The following ERCC6L2 variants were observed in gnomAD, a reference collection of about 807,000 sequenced individuals.
ERCC6L2 encodes ERCC excision repair 6 like 2.
In ERCC6L2, 77 loss-of-function variants were observed where a neutral mutation model predicts 132.0. That is an observed-to-expected ratio of 0.58 (90% CI 0.49 to 0.71). The LOEUF is 0.71. Ranked by LOEUF, ERCC6L2 falls within the 30% of genes least tolerant of loss-of-function variation. ERCC6L2 has a pLI of 0.00. For missense variants in ERCC6L2, 1,542 were observed against 1,837.6 expected (o/e 0.84, Z 2.94); for synonymous variants, 583 against 632.4 (o/e 0.92, Z 1.17).
rs1454588925 is a variant in ERCC6L2, at chr9:96,014,799, G to A, written c.*1596G>A. 6.6e-6 allele frequency among the ~76,000 whole-genome samples: 1 copy of A among 152,048 alleles called. No homozygotes were observed. Among genetic ancestry groups the A allele is most frequent in the Non-Finnish European group, 1.5e-5 (1 of 68,016 alleles). The stretch of plus-strand genomic sequence containing the variant: ...CCAGATGGTATGTTTTGCCATTGAG[G>A]GGCCTTCTACACAATGAGTGCATGA... On this transcript the variant is annotated 3_prime_UTR_variant, in exon 19 of 19. Coordinates refer to ENST00000653738, the MANE Select transcript of ERCC6L2 (RefSeq NM_020207.7).
chr9:95,896,323 G>C (rs1034413226), intron 2 of ERCC6L2, among the ~76,000 whole-genome samples: 1 of 150,600 alleles, frequency 6.6e-6, no homozygotes. Context: ...AAAATATTCT[G>C]TTGTATAGTA....
chr9:95,958,080 A>G (rs1439112248), intron 13 of ERCC6L2, among the ~76,000 whole-genome samples: 1 of 125,464 alleles, frequency 8.0e-6, no homozygotes, highest in Non-Finnish European at 1.6e-5. Flanking sequence ...TCCTGTGTCC[A>G]TGTGTTCTCA....
intron 11 of ERCC6L2, among the ~76,000 whole-genome samples, chr9:95,931,135 A>C (rs1415122649): frequency 6.6e-6 from 1 of 152,144 alleles, no homozygotes; most frequent in Non-Finnish European, 1.5e-5. Context: ...ACCTCATATG[A>C]CTTCTCTTTC....
intron 2 of ERCC6L2, among the ~76,000 whole-genome samples, chr9:95,894,271 G>A (rs535800305): frequency 6.6e-6 from 1 of 152,224 alleles, no homozygotes; most frequent in East Asian, 1.9e-4. Context: ...TTATACCATT[G>A]TAAATTGAAA....
rs1164408227 is a variant in ERCC6L2, at chr9:95,880,924, T to C, written c.102T>C (p.Leu34=). 2.5e-6 allele frequency: 4 copies of C among 1,613,692 alleles called. No individual in the cohort carries two copies. Among genetic ancestry groups the C allele is most frequent in the Non-Finnish European group, 3.4e-6 (4 of 1,179,878 alleles). ...CCCCTTCTCCAGATAATGGAAAACTTTGTGAAGCAAGCATAAAATCTATCA... is the reference window on the plus strand; with the variant it reads ...CCCCTTCTCCAGATAATGGAAAACTCTGTGAAGCAAGCATAAAATCTATCA... The part of the protein sequence containing the change: ...CLAPSPDNGK[L]CEASIKSITV... Residue 34 remains leucine (L), a synonymous_variant, in exon 2 of 19, where the codon CTT becomes CTC. Transcript: ENST00000653738.
chr9:95,898,039 A>T, intron 3 of ERCC6L2, 68 bp downstream of exon 3: 2 of 1,331,746 alleles, frequency 1.5e-6, no homozygotes, highest in Non-Finnish European at 2.1e-6. Flanking sequence ...AGAAATATTT[A>T]AATATCACAC....
chr9:96,008,100 G>A (rs1208295625), intron 18 of ERCC6L2, among the ~76,000 whole-genome samples: 1 of 152,140 alleles, frequency 6.6e-6, no homozygotes, highest in Admixed American at 6.5e-5. Context: ...TTTGCAGAGT[G>A]TGCCTTTTCA....
At position 95,972,851 on chromosome 9, in the gene ERCC6L2, A is replaced by T. The variant is rs1248570433; in HGVS notation, c.3100A>T (p.Asn1034Tyr). The change falls in exon 16 of 19, where the codon AAC (asparagine) becomes TAC (tyrosine). Residue 1034 changes from asparagine to tyrosine, a missense_variant. By Grantham distance (143) the Asn-to-Tyr change is moderately radical. Coordinates refer to ENST00000653738, the MANE Select transcript of ERCC6L2 (RefSeq NM_020207.7). ...NQVYAANEDH[N>Y]SQFIDDYSSS... ...AGTGTATGCAGCAAATGAGGATCAT[A>T]ACTCTCAGTTTATTGATGATTATTC... 2 of 1,305,222 alleles carry T rather than the reference A, an allele frequency of 1.5e-6. No homozygotes were observed. The highest frequency in any genetic ancestry group is 1.1e-4 in the East Asian group (2 of 18,030). The allele number at this position is 1,305,222 out of a possible 1,614,324, so 80.9% of individuals were successfully genotyped here.
At chr9:95,945,316 T>A (rs1324060644) in intron 12 of ERCC6L2, among the ~76,000 whole-genome samples, 1 of 152,230 alleles carries the variant, frequency 6.6e-6, no homozygotes, top group Non-Finnish European at 1.5e-5. Flanking sequence ...AGTCAGAGTT[T>A]AAGGTTATCT....
intron 1 of ERCC6L2, 59 bp downstream of exon 1, chr9:95,876,143 A>C (rs1827252858): frequency 1.3e-6 from 2 of 1,489,778 alleles, no homozygotes; most frequent in Non-Finnish European, 1.8e-6. Context: ...GCGTTGGACC[A>C]GTTCTTGCCG....
intron 17 of ERCC6L2, among the ~76,000 whole-genome samples, chr9:95,995,080 A>G (rs1011304280): frequency 6.6e-6 from 1 of 152,204 alleles, no homozygotes; most frequent in Non-Finnish European, 1.5e-5. Context: ...AAAACTGCTA[A>G]TTTAATCATG....
In ERCC6L2 at chr9:95,881,052, A is replaced by G; in HGVS notation, c.230A>G (p.Asp77Gly). The G allele has an allele frequency of 5.6e-6, 9 of 1,613,956 alleles. No homozygotes were observed. Among genetic ancestry groups the G allele is most frequent in the Non-Finnish European group, 7.6e-6 (9 of 1,179,872 alleles). Residue 77 changes from aspartate to glycine, a missense_variant, in exon 2 of 19, where the codon GAT becomes GGT. Coordinates refer to ENST00000653738, the MANE Select transcript of ERCC6L2 (RefSeq NM_020207.7). The part of the protein sequence containing the change: ...KQLQEVKFVK[D>G]CPRNLIFDDE... ...CTTCAAGAAGTGAAATTTGTTAAAGATTGCCCTAGGAATCTTATATTTGAT... is the reference window on the plus strand; with the variant it reads ...CTTCAAGAAGTGAAATTTGTTAAAGGTTGCCCTAGGAATCTTATATTTGAT...
At chr9:95,943,238 A>T (rs969835608) in intron 12 of ERCC6L2, among the ~76,000 whole-genome samples, 2 of 152,196 alleles carry the variant, frequency 1.3e-5, no homozygotes, top group Non-Finnish European at 2.9e-5. Flanking sequence ...AAAATGTTAT[A>T]TAAATTTTGA....
chr9:95,930,837 G>A (rs1022968781), intron 11 of ERCC6L2, among the ~76,000 whole-genome samples: 4 of 151,996 alleles, frequency 2.6e-5, no homozygotes, highest in Non-Finnish European at 5.9e-5. Context: ...GTAATGTGTG[G>A]TATTAGCATT....
chr9:95,892,056 GTTTT>G (rs1828198603), intron 2 of ERCC6L2, among the ~76,000 whole-genome samples: 1 of 151,858 alleles, frequency 6.6e-6, no homozygotes, highest in Non-Finnish European at 1.5e-5. Flanking sequence ...AGTCCAATCT[GTTTT>G]TTTATTTGGT....
intron 11 of ERCC6L2, among the ~76,000 whole-genome samples, chr9:95,938,193 G>A (rs1433524820): frequency 6.6e-6 from 1 of 151,798 alleles, no homozygotes; most frequent in Non-Finnish European, 1.5e-5. Context: ...AACATACTCA[G>A]TATAATACCA....
chr9:95,897,750 G>GTACA, intron 2 of ERCC6L2, 99 bp from the exon 3 acceptor site: 1 of 1,212,378 alleles, frequency 8.2e-7, no homozygotes. Context: ...AAATCTCTTT[G>GTACA]TACATACTTT....
chr9:96,033,522 C>T (rs922959128), intron 19 of ERCC6L2, among the ~76,000 whole-genome samples: 2 of 152,210 alleles, frequency 1.3e-5, no homozygotes, highest in African/African-American at 2.4e-5. Context: ...GCTGGGATAA[C>T]ACGTGTGAAC....
At chr9:95,891,661 A>G (rs1587852068) in intron 2 of ERCC6L2, among the ~76,000 whole-genome samples, 1 of 151,862 alleles carries the variant, frequency 6.6e-6, no homozygotes, top group Middle Eastern at 3.4e-3. Context: ...CATTCCTACC[A>G]ACAATTGTCC....
Sources: gnomAD v4.1 joint callset for allele counts (sites outside exome capture counted in the v4.1 genomes callset) on GRCh38, gnomAD v4.1.1 for gene constraint, MANE v1.5 for transcripts, NCBI Gene and HGNC (gene_info 2026-07-23, HGNC 2026-07-21) for gene names.